The following WSCD1 variants were observed in gnomAD, a reference collection of about 807,000 sequenced individuals.
The protein encoded by WSCD1 is WSC domain sialate O sulfotransferase 1.
WSCD1 carries 41 observed loss-of-function variants against 60.4 expected under a neutral mutation model. The ratio of observed to expected loss-of-function variants is 0.68; its 90% confidence interval spans 0.53 to 0.88. The LOEUF is 0.88. WSCD1 is among the 40% of genes least tolerant of loss of function. The pLI, the probability that WSCD1 is intolerant of heterozygous loss-of-function variation, is 0.00. For missense variants in WSCD1, 784 were observed against 796.2 expected (o/e 0.98, Z 0.18); for synonymous variants, 361 against 332.5 (o/e 1.09, Z -0.93).
chr17:6,109,840 C>T (rs1351210423), intron 6 of WSCD1, 74 bp downstream of exon 6: 44 of 1,552,444 alleles, frequency 2.8e-5, no homozygotes, highest in Non-Finnish European at 3.9e-5. Flanking sequence ...TTTGGAGATG[C>T]CAGTCATGGC....
At chr17:6,091,049 C>G (rs1302645910) in intron 4 of WSCD1, among the ~76,000 whole-genome samples, 1 of 152,054 alleles carries the variant, frequency 6.6e-6, no homozygotes, top group East Asian at 1.9e-4. Flanking sequence ...TGCCACCACA[C>G]CCGGCTAATG....
intron 3 of WSCD1, among the ~76,000 whole-genome samples, chr17:6,088,954 T>A (rs1597356658): frequency 6.6e-6 from 1 of 152,098 alleles, no homozygotes; most frequent in South Asian, 2.1e-4. Flanking sequence ...GGCTAATTTT[T>A]TGTATTTTTA....
intron 6 of WSCD1, 150 bp downstream of exon 6, chr17:6,109,916 G>T: frequency 9.0e-7 from 1 of 1,106,356 alleles, no homozygotes; most frequent in Non-Finnish European, 1.3e-6. Flanking sequence ...ATGGGTGTTG[G>T]AGATAATGGG....
chr17:6,087,911 A>G, intron 2 of WSCD1, 79 bp from the exon 3 acceptor site: 2 of 1,207,176 alleles, frequency 1.7e-6, no homozygotes, highest in Non-Finnish European at 2.4e-6. Flanking sequence ...CCAGGAAGGC[A>G]GAGGTTCCCC....
At chr17:6,069,283 T>C, upstream of WSCD1, 1 of 398,816 alleles carries the variant, frequency 2.5e-6, no homozygotes, top group Non-Finnish European at 4.4e-6. Context: ...GGGAACAGGG[T>C]GGGGCTCCTC....
Position 6,080,429 on chromosome 17 carries a change from C to G in WSCD1, c.-230C>G, listed in dbSNP as rs1284888205. ...CCTGGAATGGAGATGTCCTTGACGCCTGGGCAGAGGCTGCAGCTGCAGGAC... is the reference window on the plus strand; with the variant it reads ...CCTGGAATGGAGATGTCCTTGACGCGTGGGCAGAGGCTGCAGCTGCAGGAC... On this transcript the variant is annotated 5_prime_UTR_variant, in exon 2 of 9. Transcript: ENST00000317744. The surrounding 1 kb of genome is among the most constrained non-coding windows in gnomAD (Gnocchi z 6.6). 1.8e-6 allele frequency: 1 copy of G among 559,788 alleles called. No individual in the cohort carries two copies. The highest frequency in any genetic ancestry group is 1.9e-5 in the African/African-American group (1 of 52,074). 34.7% of individuals were successfully genotyped at this position (559,788 alleles called of 1,614,324 possible).
intron 2 of WSCD1, among the ~76,000 whole-genome samples, chr17:6,083,757 C>T (rs957398295): frequency 4.6e-5 from 7 of 151,974 alleles, no homozygotes; most frequent in East Asian, 3.9e-4. Flanking sequence ...CCAGCCTGGG[C>T]GACAGAGCAA....
chr17:6,078,760 G>A (rs193266023), intron 1 of WSCD1, among the ~76,000 whole-genome samples: 6 of 152,196 alleles, frequency 3.9e-5, no homozygotes, highest in Non-Finnish European at 7.4e-5. Context: ...AAGCAGGGAC[G>A]CGCCATGATC....
In WSCD1 at chr17:6,101,606, G is replaced by A. The variant is rs1441548115; in HGVS notation, c.849+6383G>A. Among the ~76,000 whole-genome samples the A allele has an allele frequency of 6.6e-6, 1 of 152,186 alleles. No homozygotes were observed. The highest frequency in any genetic ancestry group is 1.5e-5 in the Non-Finnish European group (1 of 68,034). On this transcript the variant is annotated intron_variant, in intron 5 of 8. Transcript: ENST00000317744. This position sits in a 1 kb window ranked among gnomAD's most constrained non-coding sequence, Gnocchi z 4.1. ...AAAAAGAACATTCCAGGTGATATCT[G>A]CATCTTAATGATCTGACTCTCTGCC... is the stretch of plus-strand genomic sequence containing the variant.
rs1029683948 is a variant in WSCD1 at position 6,123,002 on chromosome 17, C to T, written c.*2341C>T. On this transcript the variant is annotated 3_prime_UTR_variant, in exon 9 of 9. Coordinates refer to ENST00000317744, the MANE Select transcript of WSCD1 (RefSeq NM_015253.2). ...GCAGTGGTCCTCACAGCCTTCATCC[C>T]AGGTCTGCCTACGTGGGAGATCTCA... 4.6e-5 allele frequency: 7 copies of T among 152,198 alleles called. No individual in the cohort carries two copies. The highest frequency in any genetic ancestry group is 1.0e-4 in the Non-Finnish European group (7 of 68,052). The allele number at this position is 152,198 out of a possible 1,614,324, so 9.4% of individuals were successfully genotyped here.
In WSCD1 at chr17:6,120,698, G is replaced by T; in HGVS notation, c.*37G>T. ...CACGCCGCCGCCCCCGCTGAGTGAC[G>T]CAATCGCACCACGGGGCTGCGCTCC... On this transcript the variant is annotated 3_prime_UTR_variant, in exon 9 of 9. Transcript: ENST00000317744. The T allele has an allele frequency of 6.4e-7, 1 of 1,570,062 alleles. No individual in the cohort carries two copies.
At chr17:6,087,614 G>A (rs1049696205) in intron 2 of WSCD1, among the ~76,000 whole-genome samples, 3 of 152,214 alleles carry the variant, frequency 2.0e-5, no homozygotes, top group African/African-American at 7.2e-5. Context: ...AAGGTAGAGA[G>A]GCCTCTCTGA....
rs142173270 is a variant in WSCD1 at position 6,097,248 on chromosome 17, C to G, written c.849+2025C>G. ...GAAGAGAAGGGAAAGAAAGGGGTGG[C>G]CATTGTGGCCATGAGCCATTAGTGT... On this transcript the variant is annotated intron_variant, in intron 5 of 8. Transcript: ENST00000317744. Among the ~76,000 whole-genome samples, 888 of 152,362 alleles carry G rather than the reference C, an allele frequency of 5.8e-3. 10 individuals are homozygous for G. The highest frequency in any genetic ancestry group is 0.02 in the African/African-American group (844 of 41,600).
chr17:6,109,892 G>A (rs1160759151), intron 6 of WSCD1, 126 bp downstream of exon 6: 7 of 1,322,904 alleles, frequency 5.3e-6, no homozygotes, highest in Non-Finnish European at 7.2e-6. Flanking sequence ...CTGTGTAAAG[G>A]TCTTGGCATC....
upstream of WSCD1, chr17:6,069,254 T>C: frequency 2.5e-6 from 1 of 398,840 alleles, no homozygotes; most frequent in Non-Finnish European, 4.4e-6. Flanking sequence ...GGGCAGATGC[T>C]GTGACTTGGC....
intron 2 of WSCD1, among the ~76,000 whole-genome samples, chr17:6,081,423 A>G (rs540118544): frequency 3.9e-5 from 6 of 152,098 alleles, no homozygotes; most frequent in African/African-American, 1.4e-4. Flanking sequence ...TGAATATATG[A>G]AAATAGGTTG....
intron 2 of WSCD1, among the ~76,000 whole-genome samples, chr17:6,086,474 T>G (rs1485641941): frequency 6.6e-6 from 1 of 151,762 alleles, no homozygotes; most frequent in African/African-American, 2.4e-5. Context: ...TAGCTGGGAT[T>G]ACAGGTGTGT....
At chr17:6,107,934 G>A (rs952369697) in intron 5 of WSCD1, among the ~76,000 whole-genome samples, 24 of 152,172 alleles carry the variant, frequency 1.6e-4, no homozygotes, top group African/African-American at 5.8e-4. Flanking sequence ...ACGTACTACC[G>A]AGGCTCAATA....
chr17:6,089,578 G>A (rs767702651), intron 3 of WSCD1, among the ~76,000 whole-genome samples: 1 of 152,212 alleles, frequency 6.6e-6, no homozygotes, highest in Non-Finnish European at 1.5e-5. Flanking sequence ...CTTCAGACCA[G>A]CTCACGGCCG....
Sources: allele counts gnomAD v4.1 joint callset (sites outside exome capture counted in the v4.1 genomes callset), GRCh38; gene constraint gnomAD v4.1.1; non-coding constraint Gnocchi (gnomAD v3.1); transcripts MANE v1.5; gene names NCBI Gene and HGNC (gene_info 2026-07-23, HGNC 2026-07-21).